UBXN2A: variants seen among roughly 807,000 people sequenced by gnomAD.
UBXN2A encodes the protein UBX domain protein 2A.
Under a neutral mutation model 28.4 loss-of-function variants are expected in UBXN2A, and 28 were observed. The ratio of observed to expected loss-of-function variants is 0.99; its 90% CI spans 0.73 to 1.35. The LOEUF (loss-of-function observed/expected upper bound fraction) is 1.35, where lower values mean the gene tolerates loss of function less well. UBXN2A is among the 40% of genes most tolerant of loss of function. UBXN2A has a pLI of 0.00. For synonymous variants in UBXN2A, 97 were observed against 103.6 expected (o/e 0.94, Z 0.39); for missense variants, 253 against 297.9 (o/e 0.85, Z 1.11).
chr2:23,949,427 C>T (rs930938579), intron 1 of UBXN2A, among the ~76,000 whole-genome samples: 2 of 151,706 alleles, frequency 1.3e-5, no homozygotes, highest in East Asian at 2.0e-4. Context: ...AAACATTAGC[C>T]GGGCGTGGTG....
At chr2:23,944,358 G>C in intron 1 of UBXN2A, 1 of 1,523,504 alleles carries the variant, frequency 6.6e-7, no homozygotes, top group Non-Finnish European at 9.1e-7. Flanking sequence ...GTGAAGAACT[G>C]AGGTGACCAG....
Position 23,984,319 on chromosome 2 carries a change from G to T in UBXN2A, c.426-354G>T, listed in dbSNP as rs181112543. ...TAACCTAAGGACTAAGCTCAATAAA[G>T]AACTTATAATTTCTTCTAGAAATTT... On this transcript the variant is annotated intron_variant, in intron 5 of 6. Coordinates refer to ENST00000309033, the MANE Select transcript of UBXN2A (RefSeq NM_181713.4). Among the ~76,000 whole-genome samples, 363 of 152,150 alleles carry T rather than the reference G, an allele frequency of 2.4e-3. 1 individual carries two copies. Among genetic ancestry groups the T allele is most frequent in the South Asian group, 3.9e-3 (19 of 4,820 alleles).
In UBXN2A at chr2:23,971,389, TG is replaced by T; in HGVS notation, c.156del (p.Ser53LeufsTer9). 1 of 1,561,084 alleles carries T rather than the reference TG, an allele frequency of 6.4e-7. No individual in the cohort carries two copies. Among genetic ancestry groups the T allele is most frequent in the Non-Finnish European group, 8.7e-7 (1 of 1,143,676 alleles). ...GCTCAGAAGGTTAGTTCCAAATGTG[TG>T]TCTCCCGCTGAACAGAAGAAACAGG... ...EEAQKVSSKCVSPAEQKKQVD... is the reference protein window; with the variant it reads ...EEAQKVSSKCXSPAEQKKQVD... On this transcript the variant is annotated frameshift_variant, in exon 3 of 7. Transcript: ENST00000309033. LOFTEE classifies it high-confidence loss of function.
upstream of UBXN2A, among the ~76,000 whole-genome samples, chr2:23,936,033 CAGAG>C (rs1312672328): frequency 1.3e-5 from 2 of 152,050 alleles, no homozygotes; most frequent in Admixed American, 6.6e-5. Context: ...GCCTGGGTGA[CAGAG>C]GGAGGCTGTC....
intron 1 of UBXN2A, among the ~76,000 whole-genome samples, chr2:23,928,054 TA>T (rs1401507914): frequency 2.0e-5 from 3 of 151,622 alleles, no homozygotes; most frequent in African/African-American, 7.3e-5. Flanking sequence ...TGGGCACCTG[TA>T]ATCCCAGCTG....
intron 1 of UBXN2A, chr2:23,944,387 T>G: frequency 7.4e-7 from 1 of 1,350,952 alleles, no homozygotes; most frequent in Non-Finnish European, 1.1e-6. Flanking sequence ...TCCTACACAT[T>G]ATTGTATTCA....
rs139718365 is a variant in UBXN2A at position 23,971,290 on chromosome 2, G to T, written c.56G>T (p.Gly19Val). ...SIKEEWVCET[G>V]SDNQPLGNNQ... ...ATCTTGTTTAGGGTTTGTGAAACAG[G>T]ATCTGATAATCAACCTCTTGGTAAT... The change falls in exon 3 of 7, where the codon GGA (glycine) becomes GTA (valine). Residue 19 changes from glycine (G) to valine (V), a missense_variant. By Grantham distance (109) the Gly-to-Val change is moderately radical. Transcript: ENST00000309033. 621 of 1,564,280 alleles carry T rather than the reference G, an allele frequency of 4.0e-4. No homozygotes were observed. Among genetic ancestry groups the T allele is most frequent in the Non-Finnish European group, 4.7e-4 (537 of 1,145,442 alleles).
intron 2 of UBXN2A, among the ~76,000 whole-genome samples, chr2:23,962,890 A>G (rs113125845): frequency 0.12 from 18,332 of 152,208 alleles, 1,199 homozygotes; most frequent in Middle Eastern, 0.21. Context: ...GATTACAGGC[A>G]TGAGCCACCG....
intron 1 of UBXN2A, among the ~76,000 whole-genome samples, chr2:23,946,578 C>A (rs1448494499): frequency 6.6e-6 from 1 of 152,048 alleles, no homozygotes; most frequent in Non-Finnish European, 1.5e-5. Context: ...GCCTCAGCCT[C>A]CTAAAGAGCT....
At chr2:23,989,561 A>C (rs946606863) in intron 6 of UBXN2A, among the ~76,000 whole-genome samples, 2 of 151,338 alleles carry the variant, frequency 1.3e-5, no homozygotes, top group South Asian at 4.2e-4. Flanking sequence ...CCTTATTTCT[A>C]TATTTTTATA....
Position 24,001,107 on chromosome 2 carries a change from C to T in UBXN2A, c.*1240C>T, listed in dbSNP as rs952285322. 1.3e-5 allele frequency: 2 copies of T among 152,286 alleles called. No homozygotes were observed. Among genetic ancestry groups the T allele is most frequent in the South Asian group, 2.1e-4 (1 of 4,834 alleles). The allele number at this position is 152,286 out of a possible 1,614,324, so 9.4% of individuals were successfully genotyped here. A position where few individuals can be genotyped will look rare whatever the true frequency, so the allele number is the denominator to read the frequency against. On this transcript the variant is annotated 3_prime_UTR_variant, in exon 7 of 7. Coordinates refer to ENST00000309033, the MANE Select transcript of UBXN2A (RefSeq NM_181713.4). ...CCCGGGTTCAAGAGATTCTCCTGCT[C>T]AGCCTCCCAAGTAGCTGGGATTACA...
rs913870594 is a variant in UBXN2A at position 24,004,357 on chromosome 2, A to G, written c.*4490A>G. Reference sequence around the variant, plus strand: ...TGAAAATAATTGTTAGGGCTGATATATAGAAATACATATCTAGGCCAGGCA... The same window carrying G: ...TGAAAATAATTGTTAGGGCTGATATGTAGAAATACATATCTAGGCCAGGCA... On this transcript the variant is annotated 3_prime_UTR_variant, in exon 7 of 7. Coordinates refer to ENST00000309033, the MANE Select transcript of UBXN2A (RefSeq NM_181713.4). The G allele has an allele frequency of 6.6e-6, 1 of 152,208 alleles. No individual in the cohort carries two copies. The highest frequency in any genetic ancestry group is 1.5e-5 in the Non-Finnish European group (1 of 68,036). 9.4% of individuals were successfully genotyped at this position (152,208 alleles called of 1,614,324 possible). A position where few individuals can be genotyped will look rare whatever the true frequency, so the allele number is the denominator to read the frequency against.
rs1708763691 is a variant in UBXN2A at position 24,004,324 on chromosome 2, C to G, written c.*4457C>G. ...TAAGCAATTGTTTCAAAACTGTCTT[C>G]AGTTTCTTGAAAATAATTGTTAGGG... On this transcript the variant is annotated 3_prime_UTR_variant, in exon 7 of 7. Coordinates refer to ENST00000309033, the MANE Select transcript of UBXN2A (RefSeq NM_181713.4). 6.6e-6 allele frequency: 1 copy of G among 152,160 alleles called. No individual in the cohort carries two copies. Among genetic ancestry groups the G allele is most frequent in the South Asian group, 2.1e-4 (1 of 4,830 alleles). 9.4% of individuals were successfully genotyped at this position (152,160 alleles called of 1,614,324 possible).
At chr2:23,944,984 T>G (rs1028764011) in intron 1 of UBXN2A, among the ~76,000 whole-genome samples, 1 of 152,194 alleles carries the variant, frequency 6.6e-6, no homozygotes, top group Non-Finnish European at 1.5e-5. Context: ...TATTAAAGTT[T>G]TTTTTCTTGC....
chr2:23,927,630 A>C (rs1183911568), intron 1 of UBXN2A: 2 of 92,854 alleles, frequency 2.2e-5, no homozygotes, highest in Non-Finnish European at 4.9e-5. Context: ...GCTTAAGAAG[A>C]GAAGGGGGGG....
intron 4 of UBXN2A, among the ~76,000 whole-genome samples, chr2:23,981,322 A>T (rs62977660): frequency 6.9e-6 from 1 of 145,928 alleles, no homozygotes; most frequent in South Asian, 2.2e-4. Flanking sequence ...AAAAAAAAAA[A>T]CCTAAAAAAA....
intron 3 of UBXN2A, 48 bp downstream of exon 3, chr2:23,971,462 A>G: frequency 1.4e-6 from 2 of 1,468,036 alleles, no homozygotes; most frequent in East Asian, 2.3e-5. Flanking sequence ...GTTTCTCAAT[A>G]TATGGACCTG....
At chr2:23,931,298 T>G (rs1270287846) in intron 1 of UBXN2A, among the ~76,000 whole-genome samples, 1 of 151,990 alleles carries the variant, frequency 6.6e-6, no homozygotes, top group African/African-American at 2.4e-5. Context: ...AATACAAAAA[T>G]GAGCCTGGTG....
At chr2:23,961,510 G>A (rs1295322980) in intron 2 of UBXN2A, among the ~76,000 whole-genome samples, 2 of 148,306 alleles carry the variant, frequency 1.3e-5, no homozygotes, top group East Asian at 2.0e-4. Context: ...TAAAAACAAT[G>A]GTCCAGGGAA....
Sources: gnomAD v4.1 joint callset for allele counts (sites outside exome capture counted in the v4.1 genomes callset) on GRCh38, gnomAD v4.1.1 for gene constraint, MANE v1.5 for transcripts, NCBI Gene and HGNC (gene_info 2026-07-23, HGNC 2026-07-21) for gene names.